CORO2B: variants seen among roughly 807,000 people sequenced by gnomAD.
The protein encoded by CORO2B is coronin 2B.
CORO2B carries 26 observed loss-of-function variants against 58.8 expected under a neutral mutation model. The ratio of observed to expected loss-of-function variants is 0.44; its 90% confidence interval spans 0.32 to 0.61. The LOEUF (loss-of-function observed/expected upper bound fraction) is 0.61. Ranked by LOEUF, CORO2B falls within the 20% of genes least tolerant of loss-of-function variation. CORO2B has a pLI of 0.04. For missense variants in CORO2B, 460 were observed against 645.1 expected (o/e 0.71, Z 3.11); for synonymous variants, 242 against 253.8 (o/e 0.95, Z 0.44).
chr15:68,705,436 C>CAAAAAAAA (rs35973911), intron 3 of CORO2B, among the ~76,000 whole-genome samples: 1 of 112,814 alleles, frequency 8.9e-6, no homozygotes, highest in African/African-American at 3.6e-5. Context: ...AACTCTATCT[C>CAAAAAAAA]AAAAAAAAAA....
chr15:68,525,824 T>C, the CORO2B span, among the ~76,000 whole-genome samples: 4 of 152,214 alleles, frequency 2.6e-5, no homozygotes, highest in Non-Finnish European at 4.4e-5. Context: ...CGATGAGTTT[T>C]TACAAATGTA....
upstream of CORO2B, among the ~76,000 whole-genome samples, chr15:68,575,577 G>GCCCCCACC (rs78111726): frequency 7.7e-5 from 3 of 38,752 alleles, 1 homozygote; most frequent in Non-Finnish European, 5.7e-5. Flanking sequence ...CTTGTGATCT[G>GCCCCCACC]CCCCCGCCTC....
intron 1 of CORO2B, among the ~76,000 whole-genome samples, chr15:68,608,062 A>T (rs973971279): frequency 1.3e-5 from 2 of 152,238 alleles, no homozygotes; most frequent in Non-Finnish European, 2.9e-5. Flanking sequence ...GCAGAGGCGT[A>T]TGTCCTTTGA....
At chr15:68,707,041 A>G (rs1196169536) in intron 3 of CORO2B, among the ~76,000 whole-genome samples, 2 of 152,090 alleles carry the variant, frequency 1.3e-5, no homozygotes, top group African/African-American at 2.4e-5. Context: ...GCTCACTGCA[A>G]GCTCCACCTC....
intron 2 of CORO2B, among the ~76,000 whole-genome samples, chr15:68,688,699 C>T (rs1284985736): frequency 6.6e-6 from 1 of 152,152 alleles, no homozygotes; most frequent in African/African-American, 2.4e-5. Context: ...TATGGGTGTA[C>T]TGTAATTTAT....
chr15:68,668,173 T>C (rs117674718), intron 2 of CORO2B, among the ~76,000 whole-genome samples: 1,744 of 152,316 alleles, frequency 0.011, 15 homozygotes, highest in Non-Finnish European at 0.019. Context: ...GCTAAGAGTT[T>C]AGCACCATGC....
At chr15:68,603,826 CCCAG>C (rs1900041545) in intron 1 of CORO2B, among the ~76,000 whole-genome samples, 1 of 152,176 alleles carries the variant, frequency 6.6e-6, no homozygotes, top group Non-Finnish European at 1.5e-5. Flanking sequence ...TGTTTAAGCC[CCCAG>C]CCTGTGGCAT....
chr15:68,551,065 ACTCT>A, the CORO2B span, among the ~76,000 whole-genome samples: 1 of 151,114 alleles, frequency 6.6e-6, no homozygotes, highest in African/African-American at 2.4e-5. Flanking sequence ...GAGGTTCCTG[ACTCT>A]CTGGGGGGAA....
At chr15:68,663,451 G>A (rs1902078476) in intron 2 of CORO2B, among the ~76,000 whole-genome samples, 1 of 152,148 alleles carries the variant, frequency 6.6e-6, no homozygotes, top group Non-Finnish European at 1.5e-5. Flanking sequence ...AGAGGTACGT[G>A]CTTTCTTCCA....
intron 1 of CORO2B, among the ~76,000 whole-genome samples, chr15:68,585,669 C>T (rs1215838318): frequency 1.3e-5 from 2 of 152,166 alleles, no homozygotes; most frequent in Non-Finnish European, 2.9e-5. Flanking sequence ...ACACAGTGGG[C>T]TATTGTCTGT....
At chr15:68,614,929 G>A (rs1900319211) in intron 1 of CORO2B, among the ~76,000 whole-genome samples, 1 of 152,256 alleles carries the variant, frequency 6.6e-6, no homozygotes, top group Non-Finnish European at 1.5e-5. Context: ...GCTCCTGTGT[G>A]TGGAAGTCGG....
At chr15:68,725,119 A>G (rs1893260932) in intron 11 of CORO2B, among the ~76,000 whole-genome samples, 1 of 152,220 alleles carries the variant, frequency 6.6e-6, no homozygotes, top group Non-Finnish European at 1.5e-5. Flanking sequence ...CTGTAATCCC[A>G]GCACTTTGGG....
chr15:68,567,855 A>G, the CORO2B span, among the ~76,000 whole-genome samples: 3 of 152,096 alleles, frequency 2.0e-5, no homozygotes, highest in South Asian at 4.1e-4. Flanking sequence ...CCCCGTCTCT[A>G]CTAAAAATAT....
At chr15:68,662,919 C>T (rs1282104663) in intron 2 of CORO2B, among the ~76,000 whole-genome samples, 1 of 151,806 alleles carries the variant, frequency 6.6e-6, no homozygotes, top group African/African-American at 2.4e-5. Context: ...TTATGACATA[C>T]CTTTTTCTTA....
At chr15:68,671,374 A>G (rs1037318155) in intron 2 of CORO2B, among the ~76,000 whole-genome samples, 1 of 152,078 alleles carries the variant, frequency 6.6e-6, no homozygotes, top group African/African-American at 2.4e-5. Context: ...TTGGCTGTAG[A>G]CCCACATATG....
chr15:68,606,537 G>T (rs754326115), intron 1 of CORO2B, among the ~76,000 whole-genome samples: 1 of 152,162 alleles, frequency 6.6e-6, no homozygotes, highest in South Asian at 2.1e-4. Flanking sequence ...TTGGTCAGGC[G>T]CTTTCCTTAA....
intron 1 of CORO2B, among the ~76,000 whole-genome samples, chr15:68,644,763 C>T (rs1595986171): frequency 6.6e-6 from 1 of 152,112 alleles, no homozygotes; most frequent in Non-Finnish European, 1.5e-5. Context: ...CTCTGCTGTC[C>T]GCATCTCCCA....
At chr15:68,657,517 CAAAAAA>C (rs373642309) in intron 2 of CORO2B, among the ~76,000 whole-genome samples, 2 of 87,076 alleles carry the variant, frequency 2.3e-5, no homozygotes, top group Non-Finnish European at 4.2e-5. Flanking sequence ...GATCCTGTCT[CAAAAAA>C]AAAAAAAAAA....
chr15:68,627,684 G>A (rs1397373613), intron 1 of CORO2B, among the ~76,000 whole-genome samples: 1 of 152,092 alleles, frequency 6.6e-6, no homozygotes, highest in Non-Finnish European at 1.5e-5. Flanking sequence ...AGCAGGAAAT[G>A]GCTTCTGCCC....
Sources: allele counts gnomAD v4.1 joint callset (sites outside exome capture counted in the v4.1 genomes callset), GRCh38; gene constraint gnomAD v4.1.1; transcripts MANE v1.5; gene names NCBI Gene and HGNC (gene_info 2026-07-23, HGNC 2026-07-21).